The following CSMD1 variants were observed in gnomAD, a reference collection of about 807,000 sequenced individuals.
The protein encoded by CSMD1 is CUB and Sushi multiple domains 1.
In CSMD1, 213 loss-of-function variants were observed where a neutral mutation model predicts 417.5. The observed-to-expected ratio is 0.51, with a 90% confidence interval of 0.46 to 0.57. CSMD1 has a LOEUF of 0.57. Among genes scored for constraint, CSMD1 ranks in the 20% least tolerant of loss-of-function variants. CSMD1 has a pLI of 0.00. For missense variants in CSMD1, 6,923 were observed against 4,529.7 expected (o/e 1.53, Z -15.17); for synonymous variants, 2,862 against 1,736.8 (o/e 1.65, Z -16.11).
At chr8:4,694,961 G>A (rs995626418) in intron 1 of CSMD1, among the ~76,000 whole-genome samples, 2 of 151,980 alleles carry the variant, frequency 1.3e-5, no homozygotes, top group African/African-American at 4.8e-5. Context: ...CTAGGTTCTT[G>A]TACCTTTCAC....
chr8:3,013,946 G>C (rs549113493), intron 52 of CSMD1, among the ~76,000 whole-genome samples: 46 of 152,084 alleles, frequency 3.0e-4, no homozygotes, highest in Non-Finnish European at 6.0e-4. Flanking sequence ...TTGCATGGCA[G>C]CACTTGTCAC....
At chr8:3,820,833 C>G (rs993704256) in intron 5 of CSMD1, among the ~76,000 whole-genome samples, 2 of 152,106 alleles carry the variant, frequency 1.3e-5, no homozygotes, top group Non-Finnish European at 2.9e-5. Context: ...ATCTGCTGAC[C>G]TCGACCTCCC....
intron 3 of CSMD1, among the ~76,000 whole-genome samples, chr8:4,392,825 G>A (rs1455339577): frequency 5.3e-5 from 8 of 151,630 alleles, no homozygotes; most frequent in Admixed American, 1.3e-4. Flanking sequence ...AATATTAGCC[G>A]GGTGTGGTGG....
intron 7 of CSMD1, among the ~76,000 whole-genome samples, chr8:3,639,148 C>T (rs1170184036): frequency 6.6e-6 from 1 of 152,162 alleles, no homozygotes; most frequent in Non-Finnish European, 1.5e-5. Context: ...TACTTTAAGC[C>T]TTGCAGTAAA....
rs6558921 is a variant in CSMD1 at position 4,838,367 on chromosome 8, T to C, written c.85+155965A>G. On this transcript the variant is annotated intron_variant, in intron 1 of 69. Transcript: ENST00000635120. ...GCCTCAAAGACTATGCAATCAATTA[T>C]TGAAGATAGAAAAATAAATAGAAGA... Among the ~76,000 whole-genome samples, 231 of 152,292 alleles carry C rather than the reference T, an allele frequency of 1.5e-3. 1 individual carries two copies. Among genetic ancestry groups the C allele is most frequent in the African/African-American group, 5.5e-3 (227 of 41,570 alleles).
chr8:3,394,051 TATATAGAA>T (rs1563342465), intron 17 of CSMD1, among the ~76,000 whole-genome samples: 3 of 122,524 alleles, frequency 2.4e-5, no homozygotes, highest in Admixed American at 8.3e-5. Context: ...TATATATATA[TATATAGAA>T]AAAAAGAAAA....
intron 1 of CSMD1, among the ~76,000 whole-genome samples, chr8:4,659,846 T>C (rs76220272): frequency 0.017 from 2,641 of 152,116 alleles, 61 homozygotes; most frequent in East Asian, 0.1. Context: ...CATATTAACA[T>C]GCTAAACAAT....
intron 6 of CSMD1, among the ~76,000 whole-genome samples, chr8:3,751,340 A>C (rs62479664): frequency 0.053 from 6,598 of 124,802 alleles, 160 homozygotes; most frequent in Non-Finnish European, 0.079. Flanking sequence ...ATATATATAT[A>C]TACACGAACA....
chr8:4,221,796 C>A lies in CSMD1; in HGVS notation c.416-189697G>T, dbSNP rs114953749. On this transcript the variant is annotated intron_variant, in intron 3 of 69. Transcript: ENST00000635120. ...GAAAATATACATTCTGAAAGGTGGACCTCCAAATCTCCTTTTCCTACTTGG... is the reference window on the plus strand; with the variant it reads ...GAAAATATACATTCTGAAAGGTGGAACTCCAAATCTCCTTTTCCTACTTGG... 2.6e-5 allele frequency among the ~76,000 whole-genome samples: 4 copies of A among 152,112 alleles called. No homozygotes were observed. The East Asian group carries it at 7.7e-4, about 29-fold the overall frequency.
chr8:3,885,935 A>C (rs1806534292), intron 5 of CSMD1, among the ~76,000 whole-genome samples: 1 of 152,160 alleles, frequency 6.6e-6, no homozygotes, highest in African/African-American at 2.4e-5. Flanking sequence ...AAATTGTTAA[A>C]AGTTGATAAG....
intron 1 of CSMD1, among the ~76,000 whole-genome samples, chr8:4,654,768 C>G (rs569625926): frequency 6.6e-6 from 1 of 151,950 alleles, no homozygotes; most frequent in South Asian, 2.1e-4. Flanking sequence ...TTTTTGGGTC[C>G]CTTCTGTGTA....
chr8:4,921,265 T>A (rs1418892773), intron 1 of CSMD1, among the ~76,000 whole-genome samples: 1 of 152,178 alleles, frequency 6.6e-6, no homozygotes, highest in Non-Finnish European at 1.5e-5. Flanking sequence ...ACATTTATTG[T>A]CAGCCAATCT....
At chr8:4,168,184 C>A (rs550657092) in intron 3 of CSMD1, among the ~76,000 whole-genome samples, 11 of 151,458 alleles carry the variant, frequency 7.3e-5, no homozygotes, top group Non-Finnish European at 1.3e-4. Flanking sequence ...CACATACACA[C>A]ACACGTATGT....
intron 2 of CSMD1, among the ~76,000 whole-genome samples, chr8:4,588,460 G>T (rs1478694919): frequency 6.6e-6 from 1 of 151,608 alleles, no homozygotes; most frequent in Non-Finnish European, 1.5e-5. Flanking sequence ...TCTCTGCACT[G>T]TATTTGAAAC....
At chr8:3,365,228 C>G (rs1220394870) in intron 20 of CSMD1, among the ~76,000 whole-genome samples, 2 of 152,064 alleles carry the variant, frequency 1.3e-5, no homozygotes, top group Non-Finnish European at 2.9e-5. Context: ...AACAAATTTC[C>G]AAGAAATCAA....
intron 2 of CSMD1, among the ~76,000 whole-genome samples, chr8:4,618,899 C>A (rs1468868456): frequency 6.6e-6 from 1 of 152,118 alleles, no homozygotes; most frequent in Non-Finnish European, 1.5e-5. Context: ...ACAGAGTGGG[C>A]TCTAGCCATA....
chr8:4,586,764 T>A (rs1210747857), intron 2 of CSMD1, among the ~76,000 whole-genome samples: 1 of 152,202 alleles, frequency 6.6e-6, no homozygotes, highest in Non-Finnish European at 1.5e-5. Context: ...CGGTTCCCCA[T>A]GGCACTTTCT....
chr8:3,371,643 A>C (rs1256418061), intron 18 of CSMD1, among the ~76,000 whole-genome samples: 1 of 152,210 alleles, frequency 6.6e-6, no homozygotes, highest in African/African-American at 2.4e-5. Flanking sequence ...TTCCACAAAT[A>C]ATATTCACAA....
In CSMD1 at chr8:4,938,813, G is replaced by T. The variant is rs567174463; in HGVS notation, c.85+55519C>A. 2.0e-5 allele frequency among the ~76,000 whole-genome samples: 3 copies of T among 152,218 alleles called. No homozygotes were observed. The South Asian group carries it at 6.2e-4, about 32-fold the overall frequency. On this transcript the variant is annotated intron_variant, in intron 1 of 69. Coordinates refer to ENST00000635120, the MANE Select transcript of CSMD1 (RefSeq NM_033225.6). ...TGCTTTTTTATATTTCATATTTTTG[G>T]CAAAAGGTGCCAAACATTATTGAAA...
Sources: allele counts gnomAD v4.1 joint callset (sites outside exome capture counted in the v4.1 genomes callset), GRCh38; gene constraint gnomAD v4.1.1; transcripts MANE v1.5; gene names NCBI Gene and HGNC (gene_info 2026-07-23, HGNC 2026-07-21).